Variants in DIS3L2 observed in about 807,000 individuals in gnomAD.
DIS3L2 encodes the protein DIS3 like 3'-5' exoribonuclease 2, also known as DIS3-like exonuclease 2.
Under a neutral mutation model 97.5 loss-of-function variants are expected in DIS3L2, and 34 were observed. That is an observed-to-expected ratio of 0.35 (90% CI 0.27 to 0.46). The LOEUF (loss-of-function observed/expected upper bound fraction) is 0.46, where lower values mean the gene tolerates loss of function less well. Ranked by LOEUF, DIS3L2 falls within the 20% of genes least tolerant of loss-of-function variation. The probability of loss-of-function intolerance (pLI) is 1.00; values close to 1 mark genes in which losing one functional copy is unlikely to be tolerated. For missense variants in DIS3L2, 1,038 were observed against 1,146.0 expected (o/e 0.91, Z 1.36); for synonymous variants, 435 against 445.2 (o/e 0.98, Z 0.29).
At chr2:232,087,985 T>A (rs770617444) in intron 6 of DIS3L2, 143 of 431,174 alleles carry the variant, frequency 3.3e-4, no homozygotes, top group Non-Finnish European at 5.2e-4. Context: ...CTGGTTAACG[T>A]TGACATCTCT....
At chr2:232,118,900 G>A (rs1003603162) in intron 6 of DIS3L2, among the ~76,000 whole-genome samples, 2 of 152,148 alleles carry the variant, frequency 1.3e-5, no homozygotes, top group South Asian at 2.1e-4. Flanking sequence ...AGGGGCCTTC[G>A]TGGATCTCAG....
intron 1 of DIS3L2, among the ~76,000 whole-genome samples, chr2:231,971,022 C>T (rs1373870548): frequency 2.0e-5 from 3 of 152,174 alleles, no homozygotes; most frequent in Non-Finnish European, 4.4e-5. Flanking sequence ...CACTCTCTTC[C>T]ACCTTGACAT....
chr2:232,012,674 C>T (rs1694240362), intron 1 of DIS3L2, among the ~76,000 whole-genome samples: 1 of 152,064 alleles, frequency 6.6e-6, no homozygotes, highest in South Asian at 2.1e-4. Flanking sequence ...CCTACATCTT[C>T]ATTAGCTTCT....
intron 9 of DIS3L2, chr2:232,172,706 G>A: frequency 1.9e-6 from 1 of 534,592 alleles, no homozygotes. Context: ...TTGTGAAACT[G>A]TTTTTCAAAG....
chr2:232,182,016 G>A (rs186964211), intron 9 of DIS3L2, among the ~76,000 whole-genome samples: 3 of 152,134 alleles, frequency 2.0e-5, no homozygotes, highest in East Asian at 1.9e-4. Context: ...GGGTGGTCTC[G>A]AGCTCCTGGA....
intron 20 of DIS3L2, 184 bp from the exon 21 acceptor site, chr2:232,336,285 A>C (rs1204449948): frequency 6.5e-7 from 1 of 1,545,946 alleles, no homozygotes; most frequent in Non-Finnish European, 8.7e-7. Flanking sequence ...GATGCATCTG[A>C]CTCCCCAACT....
intron 1 of DIS3L2, among the ~76,000 whole-genome samples, chr2:232,006,077 A>G (rs989728450): frequency 2.0e-5 from 3 of 152,196 alleles, no homozygotes; most frequent in African/African-American, 7.2e-5. Flanking sequence ...AGTCCTAGCT[A>G]CTTGGAGGCT....
At chr2:232,140,722 T>C (rs1315835896) in intron 8 of DIS3L2, among the ~76,000 whole-genome samples, 1 of 152,202 alleles carries the variant, frequency 6.6e-6, no homozygotes, top group Non-Finnish European at 1.5e-5. Context: ...TAAGCATTGC[T>C]TCTCTGACAC....
chr2:232,309,483 G>A (rs548586187), intron 14 of DIS3L2, among the ~76,000 whole-genome samples: 40 of 151,998 alleles, frequency 2.6e-4, no homozygotes, highest in Non-Finnish European at 3.8e-4. Flanking sequence ...TGGGTAGGGA[G>A]AGTCTCAGGC....
chr2:232,328,843 A>G (rs1335563562), intron 14 of DIS3L2: 2 of 149,632 alleles, frequency 1.3e-5, no homozygotes, highest in Non-Finnish European at 3.0e-5. Flanking sequence ...TCTTGTGCAC[A>G]TGTGTGATCT....
At chr2:232,041,709 C>T (rs1695115178) in intron 5 of DIS3L2, among the ~76,000 whole-genome samples, 1 of 152,148 alleles carries the variant, frequency 6.6e-6, no homozygotes, top group African/African-American at 2.4e-5. Context: ...TACACTCAAT[C>T]GGCAAAACAA....
chr2:232,091,798 C>T (rs1395936204), intron 6 of DIS3L2, among the ~76,000 whole-genome samples: 1 of 152,170 alleles, frequency 6.6e-6, no homozygotes, highest in Non-Finnish European at 1.5e-5. Context: ...TCTCCACATC[C>T]TCACCAACAT....
intron 6 of DIS3L2, among the ~76,000 whole-genome samples, chr2:232,091,301 C>G (rs984684364): frequency 3.3e-5 from 5 of 152,270 alleles, no homozygotes; most frequent in Admixed American, 1.3e-4. Flanking sequence ...CACTTCTCCC[C>G]ACTTACTACC....
At chr2:232,314,194 T>C (rs1695209795) in intron 14 of DIS3L2, among the ~76,000 whole-genome samples, 1 of 152,222 alleles carries the variant, frequency 6.6e-6, no homozygotes, top group Admixed American at 6.5e-5. Context: ...GTATAGGGCA[T>C]TCTCCAGCCT....
At chr2:231,998,000 C>G (rs1171185671) in intron 1 of DIS3L2, among the ~76,000 whole-genome samples, 1 of 152,148 alleles carries the variant, frequency 6.6e-6, no homozygotes, top group Non-Finnish European at 1.5e-5. Flanking sequence ...TGTCTTTAGT[C>G]TCCTTTAATT....
At chr2:232,270,330 A>G (rs1693954760) in intron 13 of DIS3L2, among the ~76,000 whole-genome samples, 1 of 152,238 alleles carries the variant, frequency 6.6e-6, no homozygotes, top group Non-Finnish European at 1.5e-5. Flanking sequence ...ATATTTTGGT[A>G]TAATTCCTTG....
chr2:232,100,550 T>G (rs1361485448), intron 6 of DIS3L2, among the ~76,000 whole-genome samples: 1 of 152,124 alleles, frequency 6.6e-6, no homozygotes, highest in Admixed American at 6.5e-5. Flanking sequence ...AGCTCTATTC[T>G]ACAGATTTTT....
At chr2:232,119,078 G>C (rs1463365459) in intron 6 of DIS3L2, among the ~76,000 whole-genome samples, 2 of 152,164 alleles carry the variant, frequency 1.3e-5, no homozygotes, top group East Asian at 3.9e-4. Flanking sequence ...TTGTCGAGTA[G>C]TAGGCTGGAT....
intron 1 of DIS3L2, among the ~76,000 whole-genome samples, chr2:231,997,478 G>A (rs1454182578): frequency 6.6e-6 from 1 of 152,202 alleles, no homozygotes; most frequent in African/African-American, 2.4e-5. Context: ...AAACAGGGTG[G>A]AATGATCCTG....
Sources: gnomAD v4.1 joint callset for allele counts (sites outside exome capture counted in the v4.1 genomes callset) on GRCh38, gnomAD v4.1.1 for gene constraint, MANE v1.5 for transcripts, NCBI Gene and HGNC (gene_info 2026-07-23, HGNC 2026-07-21) for gene names.